The following TMTC1 variants were observed in gnomAD, a reference collection of about 807,000 sequenced individuals.
The protein encoded by TMTC1 is transmembrane O-mannosyltransferase targeting cadherins 1.
TMTC1 carries 73 observed loss-of-function variants against 104.8 expected under a neutral mutation model. That is an observed-to-expected ratio of 0.70 (90% confidence interval 0.58 to 0.85). The LOEUF is 0.85. TMTC1 is among the 40% of genes least tolerant of loss of function. The pLI, the probability that TMTC1 is intolerant of heterozygous loss-of-function variation, is 0.00. For missense variants in TMTC1, 1,035 were observed against 1,096.1 expected, an observed-to-expected ratio of 0.94 and a Z score of 0.79; for synonymous variants, 434 against 428.7, an observed-to-expected ratio of 1.01 and a Z score of -0.15.
At position 29,783,544 on chromosome 12, in the gene TMTC1, G is replaced by T. The variant is rs1306574836; in HGVS notation, c.208C>A (p.Arg70Ser). The T allele has an allele frequency of 6.8e-7, 1 of 1,473,900 alleles. No individual in the cohort carries two copies. The allele number at this position is 1,473,900 out of a possible 1,614,324, so 91.3% of individuals were successfully genotyped here. A position where few individuals can be genotyped will look rare whatever the true frequency, so the allele number is the denominator to read the frequency against. ...AAGTCGTTGGTGAAGATGCCCCAGC[G>T]GAGCGGGGCGCCGGGCCGCACGTCG... ...NPDVRPGAPL[R>S]WGIFTNDFWG... is the part of the protein sequence containing the mutation. Residue 70 changes from arginine (R) to serine (S), a missense_variant, in exon 1 of 18, where the codon CGC (arginine) becomes AGC (serine). Coordinates refer to ENST00000539277, the MANE Select transcript of TMTC1 (RefSeq NM_001193451.2). The surrounding 1 kb of genome is among the most constrained non-coding windows in gnomAD (Gnocchi z 4.7).
chr12:29,645,828 A>C (rs771422937), intron 5 of TMTC1, among the ~76,000 whole-genome samples: 2 of 152,304 alleles, frequency 1.3e-5, no homozygotes, highest in East Asian at 1.9e-4. Flanking sequence ...AACCGCATAC[A>C]ATATTAAAAA....
intron 5 of TMTC1, among the ~76,000 whole-genome samples, chr12:29,734,605 A>G (rs907472589): frequency 6.6e-6 from 1 of 152,196 alleles, no homozygotes; most frequent in South Asian, 2.1e-4. Context: ...TCATATTTTT[A>G]AAATACCTGA....
chr12:29,630,951 T>C (rs1162575607), intron 6 of TMTC1, among the ~76,000 whole-genome samples: 1 of 152,224 alleles, frequency 6.6e-6, no homozygotes, highest in East Asian at 1.9e-4. Flanking sequence ...ATAGTCATTA[T>C]AGTGAGAGTA....
chr12:29,636,438 CT>C (rs1938553292), intron 5 of TMTC1, among the ~76,000 whole-genome samples: 1 of 152,100 alleles, frequency 6.6e-6, no homozygotes, highest in Non-Finnish European at 1.5e-5. Flanking sequence ...TTCTTTATGT[CT>C]TCTAGATGTG....
In TMTC1 at chr12:29,725,480, T is replaced by A. The variant is rs534021763; in HGVS notation, c.938+26186A>T. On this transcript the variant is annotated intron_variant, in intron 5 of 17. Coordinates refer to ENST00000539277, the MANE Select transcript of TMTC1 (RefSeq NM_001193451.2). ...TCCCAAGTAGCTGGGATTATAGGCA[T>A]GAGCTACCACACCCAGTCCTGCCAA... Among the ~76,000 whole-genome samples the A allele has an allele frequency of 2.0e-5, 3 of 152,236 alleles. No individual in the cohort carries two copies. The South Asian group carries it at 6.2e-4, about 32-fold the overall frequency.
Position 29,586,308 on chromosome 12 carries a change from T to C in TMTC1, c.1251-2734A>G, listed in dbSNP as rs558517739. Among the ~76,000 whole-genome samples, 4 of 152,260 alleles carry C rather than the reference T, an allele frequency of 2.6e-5. No individual in the cohort carries two copies. In the South Asian group the frequency reaches 6.2e-4, roughly 24 times the overall value. Reference sequence around the variant, plus strand: ...TTTGTATCCTGAGACTTTGCTGAAGTTGCTTATCAGCTTAAGGAGATTTTG... The same window carrying C: ...TTTGTATCCTGAGACTTTGCTGAAGCTGCTTATCAGCTTAAGGAGATTTTG... On this transcript the variant is annotated intron_variant, in intron 7 of 17. Transcript: ENST00000539277.
At chr12:29,508,066 C>T (rs1012310470) in intron 17 of TMTC1, among the ~76,000 whole-genome samples, 22 of 152,144 alleles carry the variant, frequency 1.4e-4, no homozygotes, top group African/African-American at 4.6e-4. Flanking sequence ...GTGCTCAATA[C>T]GATACTAACA....
At chr12:29,756,027 C>T in intron 3 of TMTC1, 142 bp from the exon 4 acceptor site, 1 of 832,290 alleles carries the variant, frequency 1.2e-6, no homozygotes, top group Non-Finnish European at 1.8e-6. Flanking sequence ...CTTAAAGAGC[C>T]TTCATCCCCA....
chr12:29,537,458 AAC>A (rs1483131858), intron 10 of TMTC1, among the ~76,000 whole-genome samples: 1 of 152,162 alleles, frequency 6.6e-6, no homozygotes, highest in Non-Finnish European at 1.5e-5. Flanking sequence ...TGTTTATATA[AAC>A]AGTCTTCGGA....
chr12:29,652,920 G>A (rs1286535414), intron 5 of TMTC1, among the ~76,000 whole-genome samples: 1 of 151,974 alleles, frequency 6.6e-6, no homozygotes, highest in African/African-American at 2.4e-5. Flanking sequence ...AAATTAGCTG[G>A]GTGTGGTGGT....
intron 5 of TMTC1, among the ~76,000 whole-genome samples, chr12:29,716,434 T>C (rs114043321): frequency 0.011 from 1,627 of 152,290 alleles, 37 homozygotes; most frequent in African/African-American, 0.037. Flanking sequence ...GTATGTGCTT[T>C]TAACTACTAC....
chr12:29,572,070 C>T (rs779273193), intron 9 of TMTC1, 35 bp downstream of exon 9: 2 of 1,546,072 alleles, frequency 1.3e-6, no homozygotes. Context: ...GTCTTTAAAG[C>T]ACCAAGGCCA....
At chr12:29,659,226 T>C (rs1173093462) in intron 5 of TMTC1, among the ~76,000 whole-genome samples, 2 of 152,244 alleles carry the variant, frequency 1.3e-5, no homozygotes, top group Non-Finnish European at 2.9e-5. Context: ...TATTGACAAG[T>C]GCCTGCTATG....
intron 5 of TMTC1, among the ~76,000 whole-genome samples, chr12:29,634,312 T>A (rs1375232410): frequency 1.3e-5 from 2 of 152,168 alleles, no homozygotes; most frequent in Admixed American, 6.5e-5. Context: ...TCCTATGGAA[T>A]GTAATCATCA....
chr12:29,533,163 T>C (rs974196114), intron 11 of TMTC1: 6 of 152,210 alleles, frequency 3.9e-5, no homozygotes, highest in African/African-American at 9.6e-5. Context: ...AATGTAAAAC[T>C]TGGGCTCCAT....
chr12:29,725,010 A>ATTTTTTTT (rs1942341722), intron 5 of TMTC1, among the ~76,000 whole-genome samples: 1 of 110,410 alleles, frequency 9.1e-6, no homozygotes, highest in Non-Finnish European at 1.9e-5. Context: ...ATATCTGCCA[A>ATTTTTTTT]GTTCTTTTTT....
rs373775704 is a variant in TMTC1, at chr12:29,736,770, G to T, written c.938+14896C>A. On this transcript the variant is annotated intron_variant, in intron 5 of 17. Transcript: ENST00000539277. ...TAAAAAGCTAGTGACTCACTAGTGC[G>T]CCACCATGACTACGTGCAACACTGT... 1.6e-3 allele frequency among the ~76,000 whole-genome samples: 243 copies of T among 152,298 alleles called. 11 individuals are homozygous for T. In the South Asian group the frequency reaches 0.048, roughly 30 times the overall value.
intron 10 of TMTC1, among the ~76,000 whole-genome samples, chr12:29,544,145 A>G (rs299458): frequency 0.66 from 100,342 of 151,094 alleles, 34,679 homozygotes; most frequent in Middle Eastern, 0.83. Context: ...CGGGAGGCTG[A>G]GGCAGGAGAA....
Position 29,601,674 on chromosome 12 carries a change from G to A in TMTC1, c.1250+2504C>T, listed in dbSNP as rs139139175. On this transcript the variant is annotated intron_variant, in intron 7 of 17. Coordinates refer to ENST00000539277, the MANE Select transcript of TMTC1 (RefSeq NM_001193451.2). Reference sequence around the variant, plus strand: ...AGCTCTGCCACTCACCAGCTATACCGCTTGGGGCAAGTTAACCAACCTCTC... The same window carrying A: ...AGCTCTGCCACTCACCAGCTATACCACTTGGGGCAAGTTAACCAACCTCTC... Among the ~76,000 whole-genome samples, 257 of 152,222 alleles carry A rather than the reference G, an allele frequency of 1.7e-3. 2 individuals are homozygous for A. Among genetic ancestry groups the A allele is most frequent in the African/African-American group, 5.0e-3 (209 of 41,530 alleles).
Sources: allele counts gnomAD v4.1 joint callset (sites outside exome capture counted in the v4.1 genomes callset), GRCh38; gene constraint gnomAD v4.1.1; non-coding constraint Gnocchi (gnomAD v3.1); transcripts MANE v1.5; gene names NCBI Gene and HGNC (gene_info 2026-07-23, HGNC 2026-07-21).